SECISBP2L: variants seen among roughly 807,000 people sequenced by gnomAD.
SECISBP2L encodes SECIS binding protein 2 like.
Under a neutral mutation model 114.7 loss-of-function variants are expected in SECISBP2L, and 43 were observed. The ratio of observed to expected loss-of-function variants is 0.38; its 90% CI spans 0.29 to 0.48. SECISBP2L has a LOEUF of 0.48. SECISBP2L is among the 20% of genes least tolerant of loss of function. The probability of loss-of-function intolerance (pLI) is 0.98; values close to 1 mark genes in which losing one functional copy is unlikely to be tolerated. For missense variants in SECISBP2L, 1,136 were observed against 1,301.1 expected, an observed-to-expected ratio of 0.87 and a Z score of 1.95; for synonymous variants, 451 against 439.7, an observed-to-expected ratio of 1.03 and a Z score of -0.32.
chr15:49,010,297 C>T (rs564702329), intron 13 of SECISBP2L, among the ~76,000 whole-genome samples: 1 of 152,176 alleles, frequency 6.6e-6, no homozygotes, highest in East Asian at 1.9e-4. Flanking sequence ...CCACACCACT[C>T]CTGATTCTCC....
intron 1 of SECISBP2L, 41 bp downstream of exon 1, chr15:49,046,235 C>T: frequency 6.4e-7 from 1 of 1,570,652 alleles, no homozygotes; most frequent in Non-Finnish European, 8.6e-7. Flanking sequence ...AAGCGGCGAC[C>T]CCAACCCCCG....
intron 7 of SECISBP2L, among the ~76,000 whole-genome samples, chr15:49,026,137 A>C (rs1902736302): frequency 6.6e-6 from 1 of 152,336 alleles, no homozygotes; most frequent in South Asian, 2.1e-4. Flanking sequence ...AAAGATAAAT[A>C]ACACACGTTG....
chr15:49,046,304 C>T lies in SECISBP2L; in HGVS notation c.-5G>A, dbSNP rs761868171. On this transcript the variant is annotated 5_prime_UTR_variant, in exon 1 of 18. Coordinates refer to ENST00000559471, the MANE Select transcript of SECISBP2L (RefSeq NM_001193489.2). ...CTCCGTGGGGGCTCGGTCCATGGTG[C>T]CTGCAGCCGCAACGGGCCCGCGCTA... The T allele has an allele frequency of 1.9e-6, 3 of 1,547,658 alleles. No individual in the cohort carries two copies. Among genetic ancestry groups the T allele is most frequent in the Admixed American group, 2.0e-5 (1 of 51,270 alleles).
At chr15:49,022,853 A>C (rs1431809245) in intron 7 of SECISBP2L, among the ~76,000 whole-genome samples, 1 of 152,200 alleles carries the variant, frequency 6.6e-6, no homozygotes, top group Non-Finnish European at 1.5e-5. Flanking sequence ...TGAAATTACA[A>C]AGTAGGATCA....
At chr15:49,005,067 C>T (rs764805011) in intron 14 of SECISBP2L, among the ~76,000 whole-genome samples, 3 of 152,192 alleles carry the variant, frequency 2.0e-5, no homozygotes, top group Non-Finnish European at 2.9e-5. Context: ...CAGTGGCTCA[C>T]GCCTGTAATC....
chr15:49,024,610 G>A (rs1170174434), intron 7 of SECISBP2L, among the ~76,000 whole-genome samples: 1 of 151,860 alleles, frequency 6.6e-6, no homozygotes, highest in Non-Finnish European at 1.5e-5. Context: ...TTTTACCATG[G>A]ATCAAAATAA....
In SECISBP2L at chr15:49,012,721, A is replaced by G; in HGVS notation, c.1658T>C (p.Ile553Thr). ...TCCTTTTTTTGCTTTAGAAGAAGCA[A>G]TGTCCACAGAATTAAAGGATGTCAA... Reference protein sequence around the residue: ...PCLTSFNSVDIASSKAKKGKE... With the variant: ...PCLTSFNSVDTASSKAKKGKE... Residue 553 changes from isoleucine to threonine, a missense_variant, in exon 12 of 18, where the codon ATT becomes ACT. This residue lies in a region of SECISBP2L where 684 missense variants were observed against 848.7 expected (regional missense o/e 0.81). Transcript: ENST00000559471. The G allele has an allele frequency of 6.2e-7, 1 of 1,613,930 alleles. No individual in the cohort carries two copies. Among genetic ancestry groups the G allele is most frequent in the South Asian group, 1.1e-5 (1 of 91,078 alleles).
chr15:49,021,466 C>G (rs1435373193), intron 7 of SECISBP2L, among the ~76,000 whole-genome samples: 2 of 152,170 alleles, frequency 1.3e-5, no homozygotes, highest in African/African-American at 2.4e-5. Context: ...AAATGCCTCT[C>G]TTAACCAGGA....
intron 4 of SECISBP2L, among the ~76,000 whole-genome samples, chr15:49,030,000 T>C (rs1019508287): frequency 9.3e-5 from 14 of 151,242 alleles, no homozygotes; most frequent in African/African-American, 3.2e-4. Context: ...TTCAACTGAG[T>C]TGTATTTCTT....
Position 48,988,811 on chromosome 15 carries a change from G to A in SECISBP2L, c.*3433C>T. On this transcript the variant is annotated 3_prime_UTR_variant, in exon 18 of 18. Coordinates refer to ENST00000559471, the MANE Select transcript of SECISBP2L (RefSeq NM_001193489.2). ...CTAATTTTGCTAGTTTTTTATTAGA[G>A]CATTACAATTAAGACATTAAATTAT... The A allele has an allele frequency of 4.5e-6, 1 of 222,716 alleles. No homozygotes were observed. Among genetic ancestry groups the A allele is most frequent in the Non-Finnish European group, 9.3e-6 (1 of 107,636 alleles). 13.8% of individuals were successfully genotyped at this position (222,716 alleles called of 1,614,324 possible).
intron 1 of SECISBP2L, among the ~76,000 whole-genome samples, chr15:49,040,740 G>A (rs968856934): frequency 2.0e-5 from 3 of 150,564 alleles, no homozygotes; most frequent in South Asian, 2.1e-4. Context: ...GGGTTTCACC[G>A]TGTTAGCCAG....
At chr15:48,995,499 T>TA (rs1902068575) in intron 17 of SECISBP2L, among the ~76,000 whole-genome samples, 1 of 152,090 alleles carries the variant, frequency 6.6e-6, no homozygotes, top group African/African-American at 2.4e-5. Context: ...CAGTTTTTTT[T>TA]ACACGTTAAA....
intron 8 of SECISBP2L, among the ~76,000 whole-genome samples, chr15:49,017,988 T>TTAATATA (rs2141072958): frequency 6.6e-6 from 1 of 152,318 alleles, no homozygotes; most frequent in East Asian, 1.9e-4. Flanking sequence ...GTAAACTTTA[T>TTAATATA]TAATATACTC....
intron 1 of SECISBP2L, among the ~76,000 whole-genome samples, chr15:49,040,942 A>T (rs1270020863): frequency 1.5e-5 from 2 of 135,198 alleles, no homozygotes; most frequent in African/African-American, 2.6e-5. Flanking sequence ...TTATACAAAT[A>T]AAAAAAAAAG....
chr15:49,029,654 G>A (rs372970005), intron 4 of SECISBP2L, among the ~76,000 whole-genome samples: 3 of 152,290 alleles, frequency 2.0e-5, no homozygotes, highest in African/African-American at 7.2e-5. Context: ...GCATATGTAA[G>A]TTTCTCTAAG....
At chr15:49,031,037 CT>C (rs373799142) in intron 4 of SECISBP2L, among the ~76,000 whole-genome samples, 1 of 83,284 alleles carries the variant, frequency 1.2e-5, no homozygotes, top group African/African-American at 4.3e-5. Flanking sequence ...TTATCATTTT[CT>C]TTTTTTTTTT....
At chr15:49,019,165 C>G (rs1902592726) in intron 8 of SECISBP2L, among the ~76,000 whole-genome samples, 1 of 152,126 alleles carries the variant, frequency 6.6e-6, no homozygotes, top group Admixed American at 6.6e-5. Flanking sequence ...AGTTCTACCT[C>G]TATACATTAC....
At chr15:49,021,803 G>A (rs939559672) in intron 7 of SECISBP2L, among the ~76,000 whole-genome samples, 2 of 152,236 alleles carry the variant, frequency 1.3e-5, no homozygotes, top group Admixed American at 6.5e-5. Flanking sequence ...AAGTTCATGT[G>A]AGCCAAATGT....
rs777482516 is a variant in SECISBP2L, at chr15:49,042,582, C to G, written c.24+3694G>C. The G allele has an allele frequency of 2.0e-5, 3 of 152,410 alleles. No individual in the cohort carries two copies. In the East Asian group the frequency reaches 5.8e-4, roughly 29 times the overall value. The allele number at this position is 152,410 out of a possible 1,614,324, so 9.4% of individuals were successfully genotyped here. A position where few individuals can be genotyped will look rare whatever the true frequency, so the allele number is the denominator to read the frequency against. ...TCCAGAACACCGAGGTAGGGTCAAGCGATGCCCCTGCCTTAGCCTCCTTAG... is the reference window on the plus strand; with the variant it reads ...TCCAGAACACCGAGGTAGGGTCAAGGGATGCCCCTGCCTTAGCCTCCTTAG... On this transcript the variant is annotated intron_variant, in intron 1 of 17. Transcript: ENST00000559471.
Sources: allele counts gnomAD v4.1 joint callset (sites outside exome capture counted in the v4.1 genomes callset), GRCh38; gene constraint gnomAD v4.1.1; regional missense constraint gnomAD v4.1.1; transcripts MANE v1.5; gene names NCBI Gene and HGNC (gene_info 2026-07-23, HGNC 2026-07-21).